The following GRIN2B variants were observed in gnomAD, a reference collection of about 807,000 sequenced individuals.
The protein encoded by GRIN2B is glutamate receptor ionotropic, NMDA 2B.
GRIN2B carries 5 observed loss-of-function variants against 114.5 expected under a neutral mutation model. The ratio of observed to expected loss-of-function variants is 0.04; its 90% confidence interval spans 0.02 to 0.09. The LOEUF (loss-of-function observed/expected upper bound fraction) is 0.09. GRIN2B is among the 10% of genes least tolerant of loss of function. The probability of loss-of-function intolerance (pLI) is 1.00; values close to 1 mark genes in which losing one functional copy is unlikely to be tolerated. For missense variants in GRIN2B, 1,108 were observed against 1,943.5 expected (o/e 0.57, Z 8.08); for synonymous variants, 787 against 745.1 (o/e 1.06, Z -0.92).
chr12:13,821,658 C>T (rs1565550507), intron 3 of GRIN2B, among the ~76,000 whole-genome samples: 2 of 152,176 alleles, frequency 1.3e-5, no homozygotes, highest in Non-Finnish European at 2.9e-5. Flanking sequence ...GTGTAGTAAT[C>T]TTGATCATTT....
chr12:13,747,005 GTA>G lies in GRIN2B; in HGVS notation c.1010+6310_1010+6311del, dbSNP rs534064383. 5.9e-5 allele frequency among the ~76,000 whole-genome samples: 9 copies of G among 152,220 alleles called. No individual in the cohort carries two copies. The South Asian group carries it at 1.9e-3, about 32-fold the overall frequency. On this transcript the variant is annotated intron_variant, in intron 4 of 13. Transcript: ENST00000609686. ...TTCTTTATAAATTACCCGGCCTTTA[GTA>G]TTCCTTTAGAGCAATGCAGAATGGA...
At chr12:13,886,577 G>A (rs1022828470) in intron 2 of GRIN2B, among the ~76,000 whole-genome samples, 5 of 152,080 alleles carry the variant, frequency 3.3e-5, no homozygotes, top group African/African-American at 7.2e-5. Context: ...AAACAGAAAT[G>A]GCACCATCTG....
chr12:13,626,830 C>A (rs1452368841), intron 5 of GRIN2B, among the ~76,000 whole-genome samples: 28 of 126,148 alleles, frequency 2.2e-4, no homozygotes, highest in African/African-American at 8.3e-4. Flanking sequence ...ACCCTCCCCC[C>A]TCCCCCCTCA....
intron 5 of GRIN2B, among the ~76,000 whole-genome samples, chr12:13,639,003 C>T (rs1949688528): frequency 6.6e-6 from 1 of 152,108 alleles, no homozygotes. Context: ...TGGAATGCTT[C>T]CTATCTCTCA....
intron 3 of GRIN2B, among the ~76,000 whole-genome samples, chr12:13,793,738 G>C (rs1471758586): frequency 6.6e-6 from 1 of 152,180 alleles, no homozygotes; most frequent in East Asian, 1.9e-4. Context: ...TCCATATTTT[G>C]ACCCCTTATC....
intron 2 of GRIN2B, among the ~76,000 whole-genome samples, chr12:13,939,565 T>TTTTC (rs1867198794): frequency 6.9e-6 from 1 of 144,562 alleles, no homozygotes; most frequent in Non-Finnish European, 1.5e-5. Flanking sequence ...TTTTTTTTTT[T>TTTTC]CCTTTTTGAG....
In GRIN2B at chr12:13,542,472, T is replaced by C. The variant is rs1420014786; in HGVS notation, c.*20311A>G. The C allele has an allele frequency of 6.6e-6, 1 of 152,168 alleles. No individual in the cohort carries two copies. The highest frequency in any genetic ancestry group is 1.5e-5 in the Non-Finnish European group (1 of 68,034). The allele number at this position is 152,168 out of a possible 1,614,324, so 9.4% of individuals were successfully genotyped here. A position where few individuals can be genotyped will look rare whatever the true frequency, so the allele number is the denominator to read the frequency against. On this transcript the variant is annotated 3_prime_UTR_variant, in exon 14 of 14. Coordinates refer to ENST00000609686, the MANE Select transcript of GRIN2B (RefSeq NM_000834.5). Reference sequence around the variant, plus strand: ...CTATCACAGTTAGCAGTGGGGTTTTTAGTAGAAGTTAAAAAAGCAAATATC... The same window carrying C: ...CTATCACAGTTAGCAGTGGGGTTTTCAGTAGAAGTTAAAAAAGCAAATATC...
chr12:13,721,340 A>G (rs1312399377), intron 4 of GRIN2B, among the ~76,000 whole-genome samples: 1 of 152,002 alleles, frequency 6.6e-6, no homozygotes, highest in African/African-American at 2.4e-5. Context: ...TGATGTGATC[A>G]TCTGATTTCC....
At chr12:13,731,472 G>A (rs1024214759) in intron 4 of GRIN2B, among the ~76,000 whole-genome samples, 2 of 152,074 alleles carry the variant, frequency 1.3e-5, no homozygotes, top group Non-Finnish European at 2.9e-5. Context: ...GTGGTGGTGG[G>A]CACCTGTAGT....
rs1462325626 is a variant in GRIN2B at position 13,556,461 on chromosome 12, TTTAA to T, written c.*6318_*6321del. ...ATAGTACGTGCACAATAGACGTTGGTTTAATTAAACTCACATATTTAACCAGAGA... is the reference window on the plus strand; with the variant it reads ...ATAGTACGTGCACAATAGACGTTGGTTTAAACTCACATATTTAACCAGAGA... On this transcript the variant is annotated 3_prime_UTR_variant, in exon 14 of 14. Transcript: ENST00000609686. 6.6e-6 allele frequency: 1 copy of T among 152,144 alleles called. No individual in the cohort carries two copies. The highest frequency in any genetic ancestry group is 1.5e-5 in the Non-Finnish European group (1 of 68,012). 9.4% of individuals were successfully genotyped at this position (152,144 alleles called of 1,614,324 possible).
At chr12:13,929,811 A>T (rs1866990486) in intron 2 of GRIN2B, among the ~76,000 whole-genome samples, 1 of 152,206 alleles carries the variant, frequency 6.6e-6, no homozygotes, top group East Asian at 1.9e-4. Flanking sequence ...GAACCCAGTA[A>T]CACCGGGTTA....
At chr12:13,853,921 G>A (rs1218358783) in intron 3 of GRIN2B, among the ~76,000 whole-genome samples, 1 of 152,196 alleles carries the variant, frequency 6.6e-6, no homozygotes, top group Non-Finnish European at 1.5e-5. Context: ...AGGTTCTGGT[G>A]ATACAAAAAT....
At chr12:13,756,307 C>G (rs1205320863) in intron 3 of GRIN2B, among the ~76,000 whole-genome samples, 1 of 152,186 alleles carries the variant, frequency 6.6e-6, no homozygotes, top group Non-Finnish European at 1.5e-5. Flanking sequence ...AGCTACTGCG[C>G]CCATCCAAAT....
chr12:13,741,329 C>G (rs900669288), intron 4 of GRIN2B, among the ~76,000 whole-genome samples: 1 of 152,186 alleles, frequency 6.6e-6, no homozygotes, highest in Non-Finnish European at 1.5e-5. Flanking sequence ...CGCGCCCAGA[C>G]AGGAAACTCT....
intron 3 of GRIN2B, among the ~76,000 whole-genome samples, chr12:13,808,770 T>TATATATATATAC (rs1491493981): frequency 2.8e-5 from 4 of 141,418 alleles, no homozygotes; most frequent in East Asian, 2.0e-4. Flanking sequence ...TATATATATA[T>TATATATATATAC]ACATATAAAA....
chr12:13,973,109 A>C (rs890853228), intron 2 of GRIN2B, among the ~76,000 whole-genome samples: 3 of 152,170 alleles, frequency 2.0e-5, no homozygotes, highest in African/African-American at 7.2e-5. Flanking sequence ...GAGCGTCCTC[A>C]CCTGAGCTTC....
At chr12:13,642,103 C>T (rs1324379014) in intron 5 of GRIN2B, among the ~76,000 whole-genome samples, 4 of 152,006 alleles carry the variant, frequency 2.6e-5, no homozygotes, top group South Asian at 2.1e-4. Flanking sequence ...GCACAAGAAT[C>T]GCTTTAATCC....
intron 10 of GRIN2B, among the ~76,000 whole-genome samples, chr12:13,589,132 TA>T (rs1417952162): frequency 1.3e-5 from 2 of 152,258 alleles, no homozygotes; most frequent in African/African-American, 4.8e-5. Flanking sequence ...TCTTATTTGC[TA>T]AATCTGTTAG....
rs777155084 is a variant in GRIN2B at position 13,563,077 on chromosome 12, G to A, written c.4161C>T (p.Phe1387=). 5.6e-6 allele frequency: 9 copies of A among 1,614,232 alleles called. No individual in the cohort carries two copies. Among genetic ancestry groups the A allele is most frequent in the Non-Finnish European group, 7.6e-6 (9 of 1,180,040 alleles). ...LYPDRVTQNP[F]IPTFGDDQCL... ...ACTGGTCGTCCCCAAAAGTGGGGATGAAAGGGTTTTGCGTGACCCGGTCAG... is the reference window on the plus strand; with the variant it reads ...ACTGGTCGTCCCCAAAAGTGGGGATAAAAGGGTTTTGCGTGACCCGGTCAG... Residue 1387 remains phenylalanine, a synonymous_variant, in exon 14 of 14, where the codon TTC becomes TTT. Transcript: ENST00000609686.
Sources: allele counts gnomAD v4.1 joint callset (sites outside exome capture counted in the v4.1 genomes callset), GRCh38; gene constraint gnomAD v4.1.1; transcripts MANE v1.5; gene names NCBI Gene and HGNC (gene_info 2026-07-23, HGNC 2026-07-21).